The following KIAA1217 variants were observed in gnomAD, a reference collection of about 807,000 sequenced individuals.
KIAA1217 encodes KIAA1217, also known as sickle tail protein homolog.
In KIAA1217, 88 loss-of-function variants were observed where a neutral mutation model predicts 163.9. The observed-to-expected ratio is 0.54, with a 90% CI of 0.45 to 0.64. KIAA1217 has a LOEUF of 0.64. KIAA1217 is among the 30% of genes least tolerant of loss of function. KIAA1217 has a pLI of 0.00. For synonymous variants in KIAA1217, 903 were observed against 923.1 expected (o/e 0.98, Z 0.39); for missense variants, 2,372 against 2,475.0 (o/e 0.96, Z 0.88).
chr10:24,129,078 G>A (rs2063563462), intron 2 of KIAA1217, among the ~76,000 whole-genome samples: 1 of 152,164 alleles, frequency 6.6e-6, no homozygotes, highest in South Asian at 2.1e-4. Context: ...TGAAGTAAAT[G>A]CTGGAAGTGG....
At chr10:24,458,383 T>C (rs1183864749) in intron 5 of KIAA1217, among the ~76,000 whole-genome samples, 6 of 152,188 alleles carry the variant, frequency 3.9e-5, no homozygotes, top group Admixed American at 6.5e-5. Context: ...CCCACATTTG[T>C]AGATAACATG....
At chr10:23,716,629 G>A (rs978984473) in intron 1 of KIAA1217, among the ~76,000 whole-genome samples, 3 of 152,072 alleles carry the variant, frequency 2.0e-5, no homozygotes, top group Admixed American at 6.6e-5. Context: ...CTCCAGCCTG[G>A]ACTGAACACA....
chr10:24,263,123 A>T (rs1378188097), intron 2 of KIAA1217, among the ~76,000 whole-genome samples: 1 of 152,124 alleles, frequency 6.6e-6, no homozygotes, highest in African/African-American at 2.4e-5. Context: ...TTTCTGTTCC[A>T]GACTTGGGCT....
chr10:23,889,966 G>A (rs1416553453), intron 1 of KIAA1217, among the ~76,000 whole-genome samples: 1 of 151,636 alleles, frequency 6.6e-6, no homozygotes, highest in Non-Finnish European at 1.5e-5. Flanking sequence ...GGTTAACCCT[G>A]GCCTCAGAAA....
chr10:24,374,266 T>TA (rs1306749530), intron 2 of KIAA1217, among the ~76,000 whole-genome samples: 1 of 152,188 alleles, frequency 6.6e-6, no homozygotes, highest in African/African-American at 2.4e-5. Flanking sequence ...AAGTTGGCAT[T>TA]AAAATGTGGT....
At chr10:24,048,905 C>T (rs183041150) in intron 2 of KIAA1217, among the ~76,000 whole-genome samples, 48 of 151,382 alleles carry the variant, frequency 3.2e-4, no homozygotes, top group African/African-American at 6.1e-4. Flanking sequence ...GTGGCGGGCA[C>T]CTGTAATTCC....
intron 1 of KIAA1217, among the ~76,000 whole-genome samples, chr10:23,872,891 A>C (rs943265779): frequency 6.6e-6 from 1 of 152,086 alleles, no homozygotes; most frequent in Non-Finnish European, 1.5e-5. Flanking sequence ...CACCATGAGA[A>C]GCATGTAACA....
intron 1 of KIAA1217, among the ~76,000 whole-genome samples, chr10:23,757,608 C>T (rs987225280): frequency 6.6e-6 from 1 of 152,128 alleles, no homozygotes; most frequent in Admixed American, 6.6e-5. Flanking sequence ...ACCTCTGCCT[C>T]CCGGGTTCCC....
intron 10 of KIAA1217, 117 bp from the exon 11 acceptor site, chr10:24,520,005 AG>A: frequency 3.5e-6 from 4 of 1,148,636 alleles, no homozygotes; most frequent in Non-Finnish European, 5.0e-6. Flanking sequence ...CACGAAAGGC[AG>A]GGGGGAGGAG....
At chr10:24,076,470 T>C (rs1160456982) in intron 2 of KIAA1217, among the ~76,000 whole-genome samples, 1 of 152,232 alleles carries the variant, frequency 6.6e-6, no homozygotes. Context: ...CTTTTGTTTC[T>C]GGCATGTAGA....
chr10:24,541,395 A>G (rs2075054397), intron 17 of KIAA1217, among the ~76,000 whole-genome samples: 1 of 151,906 alleles, frequency 6.6e-6, no homozygotes, highest in African/African-American at 2.4e-5. Flanking sequence ...TTTGCACAGT[A>G]TTTGCGTGTG....
intron 3 of KIAA1217, among the ~76,000 whole-genome samples, chr10:24,387,849 G>A (rs2054232039): frequency 6.6e-6 from 1 of 151,720 alleles, no homozygotes. Flanking sequence ...ACTTACAAGG[G>A]ATGTGAAGGA....
At chr10:23,814,469 G>C (rs1837224460) in intron 1 of KIAA1217, among the ~76,000 whole-genome samples, 1 of 152,176 alleles carries the variant, frequency 6.6e-6, no homozygotes, top group African/African-American at 2.4e-5. Flanking sequence ...ATATATGTTA[G>C]CTATTTCCCA....
intron 2 of KIAA1217, among the ~76,000 whole-genome samples, chr10:24,350,874 C>T (rs1276622271): frequency 1.3e-5 from 2 of 149,666 alleles, no homozygotes; most frequent in South Asian, 2.1e-4. Flanking sequence ...TTGCAAGGGT[C>T]GTTTTCATGG....
chr10:24,384,281 G>C (rs1404252293), intron 3 of KIAA1217, among the ~76,000 whole-genome samples: 2 of 105,066 alleles, frequency 1.9e-5, no homozygotes, highest in African/African-American at 1.4e-4. Flanking sequence ...GGTTTATCAT[G>C]AATTTTTTTT....
chr10:23,723,051 C>G (rs11813994), intron 1 of KIAA1217, among the ~76,000 whole-genome samples: 1 of 152,204 alleles, frequency 6.6e-6, no homozygotes, highest in East Asian at 1.9e-4. Flanking sequence ...CCTCATTGGC[C>G]AGGCTTGGTC....
chr10:24,039,807 GAT>G (rs1193759130), intron 2 of KIAA1217, among the ~76,000 whole-genome samples: 3 of 45,830 alleles, frequency 6.5e-5, no homozygotes, highest in Non-Finnish European at 2.5e-4. Flanking sequence ...GATAGATATA[GAT>G]ATAGATATAG....
intron 1 of KIAA1217, among the ~76,000 whole-genome samples, chr10:23,872,596 T>G (rs975917535): frequency 1.3e-5 from 2 of 151,268 alleles, no homozygotes; most frequent in African/African-American, 2.4e-5. Context: ...ATTAATTGTG[T>G]TTTTTTTTAT....
At chr10:23,994,743 C>A (rs1846389362) in intron 1 of KIAA1217, among the ~76,000 whole-genome samples, 1 of 152,148 alleles carries the variant, frequency 6.6e-6, no homozygotes, top group South Asian at 2.1e-4. Flanking sequence ...GTCCTTGAAC[C>A]GGAGCTTCAT....
Sources: gnomAD v4.1 joint callset for allele counts (sites outside exome capture counted in the v4.1 genomes callset) on GRCh38, gnomAD v4.1.1 for gene constraint, MANE v1.5 for transcripts, NCBI Gene and HGNC (gene_info 2026-07-23, HGNC 2026-07-21) for gene names.